The following TAOK1 variants were observed in gnomAD, a reference collection of about 807,000 sequenced individuals.
TAOK1 encodes TAO kinase 1.
A neutral mutation model predicts 138.3 loss-of-function variants in TAOK1; 21 were observed. The observed-to-expected ratio is 0.15, with a 90% CI of 0.11 to 0.22. TAOK1 has a LOEUF of 0.22. Ranked by LOEUF, TAOK1 falls within the 10% of genes least tolerant of loss-of-function variation. The pLI, the probability that TAOK1 is intolerant of heterozygous loss-of-function variation, is 1.00. For synonymous variants in TAOK1, 361 were observed against 398.4 expected (o/e 0.91, Z 1.12); for missense variants, 651 against 1,227.7 (o/e 0.53, Z 7.02).
chr17:29,518,434 A>G (rs2031856761), intron 16 of TAOK1, among the ~76,000 whole-genome samples: 2 of 152,234 alleles, frequency 1.3e-5, no homozygotes, highest in South Asian at 4.1e-4. Context: ...GCAGTGAGCC[A>G]TGATCATGCC....
At chr17:29,539,194 T>C (rs1433791948) in intron 19 of TAOK1, among the ~76,000 whole-genome samples, 4 of 152,056 alleles carry the variant, frequency 2.6e-5, no homozygotes, top group African/African-American at 9.7e-5. Flanking sequence ...ACCTGAGAGG[T>C]AGAGGTTGCA....
intron 17 of TAOK1, among the ~76,000 whole-genome samples, chr17:29,527,202 A>G (rs976770207): frequency 6.6e-6 from 1 of 152,076 alleles, no homozygotes; most frequent in Non-Finnish European, 1.5e-5. Flanking sequence ...AGGCAAGAGG[A>G]TCACTTGAAC....
At chr17:29,490,843 G>T (rs1400570440) in intron 9 of TAOK1, among the ~76,000 whole-genome samples, 1 of 152,172 alleles carries the variant, frequency 6.6e-6, no homozygotes, top group African/African-American at 2.4e-5. Context: ...CTTTAACTCT[G>T]CATCCTTTGG....
chr17:29,425,228 C>A (rs974289128), intron 1 of TAOK1, among the ~76,000 whole-genome samples: 3 of 152,156 alleles, frequency 2.0e-5, no homozygotes, highest in African/African-American at 7.2e-5. Context: ...CACCACCATG[C>A]CCGGCTAATT....
At chr17:29,527,764 G>C (rs916227773) in intron 17 of TAOK1, among the ~76,000 whole-genome samples, 5 of 152,172 alleles carry the variant, frequency 3.3e-5, no homozygotes, top group Admixed American at 6.6e-5. Flanking sequence ...TGCAGTAAAT[G>C]AATGTGTTCT....
intron 2 of TAOK1, among the ~76,000 whole-genome samples, chr17:29,463,570 CA>C (rs34303520): frequency 1.7e-3 from 197 of 117,452 alleles, no homozygotes; most frequent in Admixed American, 1.8e-3. Flanking sequence ...GACTCCATCT[CA>C]AAAAAAAAAA....
intron 13 of TAOK1, among the ~76,000 whole-genome samples, chr17:29,505,069 T>C (rs1317761604): frequency 6.6e-6 from 1 of 152,240 alleles, no homozygotes; most frequent in Non-Finnish European, 1.5e-5. Context: ...ATTTAATGAA[T>C]CAAAAATCTG....
At chr17:29,434,776 T>G (rs992422613) in intron 1 of TAOK1, among the ~76,000 whole-genome samples, 1 of 152,196 alleles carries the variant, frequency 6.6e-6, no homozygotes, top group Non-Finnish European at 1.5e-5. Flanking sequence ...GCAATGTGCC[T>G]TTTAACCTCT....
At chr17:29,440,502 C>T (rs2029909947) in intron 1 of TAOK1, among the ~76,000 whole-genome samples, 1 of 146,382 alleles carries the variant, frequency 6.8e-6, no homozygotes, top group Non-Finnish European at 1.5e-5. Context: ...GAAGGAGAGG[C>T]TCTTGTCTTA....
At chr17:29,491,625 A>T (rs2031296548) in intron 9 of TAOK1, among the ~76,000 whole-genome samples, 159 bp from the exon 10 acceptor site, 1 of 152,148 alleles carries the variant, frequency 6.6e-6, no homozygotes, top group Non-Finnish European at 1.5e-5. Context: ...GTTGCTTTAG[A>T]TAGATCTTCA....
chr17:29,477,527 T>G, intron 4 of TAOK1, 134 bp from the exon 5 acceptor site: 1 of 319,776 alleles, frequency 3.1e-6, no homozygotes, highest in Non-Finnish European at 5.3e-6. Flanking sequence ...ATAACTATTT[T>G]TTTAAGGTAA....
intron 15 of TAOK1, chr17:29,514,123 A>T (rs2031773051): frequency 1.3e-5 from 2 of 152,164 alleles, no homozygotes. Context: ...CTCTGCCTCG[A>T]AAAAGAAAAA....
chr17:29,442,953 T>C lies in TAOK1; in HGVS notation c.-94-8502T>C, dbSNP rs146118996. On this transcript the variant is annotated intron_variant, in intron 1 of 19. Coordinates refer to ENST00000261716, the MANE Select transcript of TAOK1 (RefSeq NM_020791.4). ...CCTATAATGTCAAATTTCTTGCTGGTATTTCTCAGTTGTATTATCATTTCA... is the reference window on the plus strand; with the variant it reads ...CCTATAATGTCAAATTTCTTGCTGGCATTTCTCAGTTGTATTATCATTTCA... Among the ~76,000 whole-genome samples the C allele has an allele frequency of 2.1e-3, 314 of 152,286 alleles. 1 individual carries two copies. The highest frequency in any genetic ancestry group is 7.1e-3 in the African/African-American group (296 of 41,560).
intron 10 of TAOK1, among the ~76,000 whole-genome samples, chr17:29,492,136 C>T (rs1485246353): frequency 6.6e-6 from 1 of 152,170 alleles, no homozygotes; most frequent in African/African-American, 2.4e-5. Flanking sequence ...CCACACCTGC[C>T]TCAGCCTCTC....
chr17:29,499,581 CAG>C (rs2031487088), intron 12 of TAOK1, among the ~76,000 whole-genome samples: 1 of 120,200 alleles, frequency 8.3e-6, no homozygotes, highest in Non-Finnish European at 1.7e-5. Context: ...TTTTTTGAGA[CAG>C]AGTTTTGCTC....
intron 1 of TAOK1, among the ~76,000 whole-genome samples, chr17:29,397,919 C>T (rs1420243943): frequency 6.6e-6 from 1 of 151,800 alleles, no homozygotes; most frequent in African/African-American, 2.4e-5. Flanking sequence ...TGGGGTCTTG[C>T]TGTGTCACCC....
intron 8 of TAOK1, among the ~76,000 whole-genome samples, chr17:29,485,773 A>G (rs1044260179): frequency 4.6e-5 from 7 of 152,230 alleles, no homozygotes; most frequent in African/African-American, 1.7e-4. Context: ...ACTCTTCTGT[A>G]TAAGTATATA....
chr17:29,489,348 C>T (rs1392817258), intron 8 of TAOK1, among the ~76,000 whole-genome samples: 1 of 151,894 alleles, frequency 6.6e-6, no homozygotes, highest in Non-Finnish European at 1.5e-5. Flanking sequence ...AAATACAAAA[C>T]TTAATTGGGC....
At chr17:29,496,614 G>T (rs1372778078) in intron 11 of TAOK1, among the ~76,000 whole-genome samples, 2 of 131,632 alleles carry the variant, frequency 1.5e-5, no homozygotes, top group Non-Finnish European at 3.2e-5. Flanking sequence ...TAAAGACAGG[G>T]TCTTGCTCTG....
Sources: gnomAD v4.1 joint callset for allele counts (sites outside exome capture counted in the v4.1 genomes callset) on GRCh38, gnomAD v4.1.1 for gene constraint, MANE v1.5 for transcripts, NCBI Gene and HGNC (gene_info 2026-07-23, HGNC 2026-07-21) for gene names.